RNF123: variants seen among roughly 807,000 people sequenced by gnomAD.
RNF123 encodes the protein ring finger protein 123, also known as E3 ubiquitin-protein ligase RNF123.
In RNF123, 86 loss-of-function variants were observed where a neutral mutation model predicts 168.5. The observed-to-expected ratio is 0.51, with a 90% CI of 0.43 to 0.61. The LOEUF (loss-of-function observed/expected upper bound fraction) is 0.61, where lower values mean the gene tolerates loss of function less well. Among genes scored for constraint, RNF123 ranks in the 20% least tolerant of loss-of-function variants. RNF123 has a pLI of 0.00. For missense variants in RNF123, 1,419 were observed against 1,729.7 expected, an observed-to-expected ratio of 0.82 and a Z score of 3.19; for synonymous variants, 666 against 689.1, an observed-to-expected ratio of 0.97 and a Z score of 0.52.
chr3:49,711,654 C>T (rs967644598), intron 26 of RNF123, among the ~76,000 whole-genome samples: 5 of 152,184 alleles, frequency 3.3e-5, no homozygotes, highest in Non-Finnish European at 5.9e-5. Flanking sequence ...GTGCTGTGAC[C>T]GCACTCCAAG....
chr3:49,719,062 A>G, intron 35 of RNF123: 1 of 1,613,824 alleles, frequency 6.2e-7, no homozygotes, highest in South Asian at 1.1e-5. Context: ...CAGCTTCTCC[A>G]GCGCCCCCAG....
At chr3:49,698,938 C>T (rs771386176) in intron 9 of RNF123, 42 bp from the exon 10 acceptor site, 3 of 1,610,220 alleles carry the variant, frequency 1.9e-6, no homozygotes, top group Non-Finnish European at 2.5e-6. Flanking sequence ...GGTGGGCAGC[C>T]ACATGCTTAG....
chr3:49,713,416 C>T, intron 27 of RNF123, 97 bp from the exon 28 acceptor site: 1 of 1,234,442 alleles, frequency 8.1e-7, no homozygotes, highest in Middle Eastern at 2.3e-4. Flanking sequence ...TGGGAGCCAG[C>T]TCTAGAGCCT....
intron 35 of RNF123, chr3:49,718,172 G>C (rs367664871): frequency 9.3e-6 from 15 of 1,613,074 alleles, no homozygotes; most frequent in Middle Eastern, 1.6e-4. Context: ...ACTGAGGACT[G>C]TGCGCTCAGC....
chr3:49,718,596 C>T (rs1405133501), intron 35 of RNF123: 2 of 1,613,024 alleles, frequency 1.2e-6, no homozygotes, highest in Non-Finnish European at 1.7e-6. Flanking sequence ...GACCCACCAG[C>T]GCGTACAGGT....
chr3:49,707,049 A>T, intron 26 of RNF123, 151 bp downstream of exon 26: 1 of 662,326 alleles, frequency 1.5e-6, no homozygotes, highest in Non-Finnish European at 2.7e-6. Flanking sequence ...ACCCCATGCC[A>T]TGTCCCCTGT....
chr3:49,719,833 A>T (rs2080354392), intron 35 of RNF123: 1 of 231,442 alleles, frequency 4.3e-6, no homozygotes. Context: ...GGCCAACCCC[A>T]AAGTCCCCGT....
rs755850114 is a variant in RNF123 at position 49,699,553 on chromosome 3, G to A, written c.850G>A (p.Ala284Thr). 2 of 1,613,368 alleles carry A rather than the reference G, an allele frequency of 1.2e-6. No individual in the cohort carries two copies. Among genetic ancestry groups the A allele is most frequent in the East Asian group, 2.2e-5 (1 of 44,858 alleles). Residue 284 changes from alanine to threonine, a missense_variant, in exon 11 of 39, where the codon GCA (alanine) becomes ACA (threonine). Ala to Thr is a moderately conservative substitution (Grantham distance 58, BLOSUM62 0). Coordinates refer to ENST00000327697, the MANE Select transcript of RNF123 (RefSeq NM_022064.5). This position sits in a 1 kb window ranked among gnomAD's most constrained non-coding sequence, Gnocchi z 4.8. ...RAQRLLGCFR[A>T]VLSVELDPVE... ...ACAGAGGTTGCTGGGCTGCTTCCGG[G>A]CAGTGCTGAGTGTGGAGCTGGACCC... is the stretch of plus-strand genomic sequence containing the variant.
chr3:49,691,742 C>A (rs931557731), intron 3 of RNF123, among the ~76,000 whole-genome samples: 5 of 152,158 alleles, frequency 3.3e-5, no homozygotes, highest in African/African-American at 1.2e-4. Context: ...GGTCAGGGAG[C>A]GGGTGCACAT....
chr3:49,700,668 G>C lies in RNF123; in HGVS notation c.1236G>C (p.Leu412=). The change falls in exon 15 of 39, where the codon CTG becomes CTC. Residue 412 remains leucine, a synonymous_variant. Transcript: ENST00000327697. ...IHYLRLTIAI[L]RHEKSRKFLL... ...ACCTGCGGCTCACTATCGCCATCCTGAGGCATGAGAAGTCCCGCAAGTTTC... is the reference window on the plus strand; with the variant it reads ...ACCTGCGGCTCACTATCGCCATCCTCAGGCATGAGAAGTCCCGCAAGTTTC... 1 of 1,614,160 alleles carries C rather than the reference G, an allele frequency of 6.2e-7. No individual in the cohort carries two copies. The highest frequency in any genetic ancestry group is 1.1e-5 in the South Asian group (1 of 91,088).
chr3:49,694,245 G>A (rs2054225222), intron 3 of RNF123, among the ~76,000 whole-genome samples: 1 of 152,140 alleles, frequency 6.6e-6, no homozygotes, highest in African/African-American at 2.4e-5. Context: ...CATACTTAAA[G>A]TGTACAATTT....
chr3:49,720,759 C>T (rs543562624), intron 36 of RNF123, 41 bp from the exon 37 acceptor site: 4 of 1,612,178 alleles, frequency 2.5e-6, no homozygotes, highest in Non-Finnish European at 3.4e-6. Context: ...GGCATCACAT[C>T]CTCAGCTACC....
At chr3:49,703,124 G>A (rs2054441063) in intron 20 of RNF123, among the ~76,000 whole-genome samples, 1 of 152,174 alleles carries the variant, frequency 6.6e-6, no homozygotes, top group African/African-American at 2.4e-5. Flanking sequence ...GCCCTGGATT[G>A]GGGGATATCC....
At chr3:49,697,055 T>A (rs1414519710) in intron 3 of RNF123, 88 bp from the exon 4 acceptor site, 1 of 1,135,718 alleles carries the variant, frequency 8.8e-7, no homozygotes, top group Non-Finnish European at 1.3e-6. Flanking sequence ...GCAGCCCCCC[T>A]GTGAGCTCAG....
intron 3 of RNF123, among the ~76,000 whole-genome samples, chr3:49,692,986 TA>T (rs1398131876): frequency 1.3e-5 from 2 of 152,222 alleles, no homozygotes; most frequent in Non-Finnish European, 2.9e-5. Flanking sequence ...TTCAGGTATA[TA>T]CCCAGCAGTG....
At chr3:49,703,076 T>C (rs1355104907) in intron 20 of RNF123, among the ~76,000 whole-genome samples, 1 of 151,950 alleles carries the variant, frequency 6.6e-6, no homozygotes, top group African/African-American at 2.4e-5. Flanking sequence ...TGGGGGGCCC[T>C]GTGTTTGAGT....
intron 25 of RNF123, 65 bp downstream of exon 25, chr3:49,706,130 T>G (rs1264871768): frequency 6.9e-7 from 1 of 1,453,972 alleles, no homozygotes; most frequent in Non-Finnish European, 9.7e-7. Flanking sequence ...ACAGATGAAG[T>G]CTGGTTCTGG....
At position 49,706,877 on chromosome 3, in the gene RNF123, C is replaced by T. The variant is rs140994707; in HGVS notation, c.2475C>T (p.Val825=). 6.2e-7 allele frequency: 1 copy of T among 1,614,016 alleles called. No homozygotes were observed. Among genetic ancestry groups the T allele is most frequent in the Non-Finnish European group, 8.5e-7 (1 of 1,179,968 alleles). Reference sequence around the variant, plus strand: ...ACCTGAGCCGCCGTCTTGCCTGGGTCCATGCCACTGTCTACTCCCAGGTGT... The same window carrying T: ...ACCTGAGCCGCCGTCTTGCCTGGGTTCATGCCACTGTCTACTCCCAGGTGT... The part of the protein sequence containing the change: ...LDHLSRRLAW[V]HATVYSQEKM... Residue 825 remains valine, a synonymous_variant, in exon 26 of 39, where the codon GTC becomes GTT. Transcript: ENST00000327697.
rs1175619338 is a variant in RNF123, at chr3:49,699,452, G to A, written c.765-16G>A. On this transcript the variant is annotated splice_polypyrimidine_tract_variant and intron_variant, in intron 10 of 38. Coordinates refer to ENST00000327697, the MANE Select transcript of RNF123 (RefSeq NM_022064.5). The surrounding 1 kb of genome is among the most constrained non-coding windows in gnomAD (Gnocchi z 4.8). ...TCTGAGCCACAGATAAGGCGTTGCTGGCTTAACTCTGGCACCTACCCAGTG... is the reference window on the plus strand; with the variant it reads ...TCTGAGCCACAGATAAGGCGTTGCTAGCTTAACTCTGGCACCTACCCAGTG... The A allele has an allele frequency of 6.3e-7, 1 of 1,578,238 alleles. No individual in the cohort carries two copies.
Sources: allele counts gnomAD v4.1 joint callset (sites outside exome capture counted in the v4.1 genomes callset), GRCh38; gene constraint gnomAD v4.1.1; non-coding constraint Gnocchi (gnomAD v3.1); transcripts MANE v1.5; gene names NCBI Gene and HGNC (gene_info 2026-07-23, HGNC 2026-07-21).